RAB21: variants seen among roughly 807,000 people sequenced by gnomAD.
RAB21 encodes the protein RAB21, member RAS oncogene family.
A neutral mutation model predicts 33.1 loss-of-function variants in RAB21; 13 were observed. The ratio of observed to expected loss-of-function variants is 0.39; its 90% confidence interval spans 0.26 to 0.62. The LOEUF (loss-of-function observed/expected upper bound fraction) is 0.62. Among genes scored for constraint, RAB21 ranks in the 20% least tolerant of loss-of-function variants. The pLI is 0.48. For missense variants in RAB21, 234 were observed against 279.1 expected (o/e 0.84, Z 1.15); for synonymous variants, 91 against 103.7 (o/e 0.88, Z 0.74).
intron 6 of RAB21, among the ~76,000 whole-genome samples, chr12:71,784,417 GT>G (rs1197538532): frequency 6.6e-6 from 1 of 151,500 alleles, no homozygotes; most frequent in Non-Finnish European, 1.5e-5. Flanking sequence ...TTTCTCCTGT[GT>G]TTTCTTCTGG....
intron 1 of RAB21, among the ~76,000 whole-genome samples, chr12:71,755,620 C>T (rs1417050453): frequency 1.3e-5 from 2 of 152,174 alleles, no homozygotes; most frequent in Non-Finnish European, 2.9e-5. Flanking sequence ...GTTGCAGTCT[C>T]CAAATGTTAG....
intron 4 of RAB21, among the ~76,000 whole-genome samples, chr12:71,780,348 C>T (rs1565893333): frequency 1.3e-5 from 2 of 152,154 alleles, no homozygotes; most frequent in South Asian, 4.1e-4. Context: ...AGGAGACTAT[C>T]TTATTTTGCC....
chr12:71,766,473 A>G (rs921373189), intron 1 of RAB21, among the ~76,000 whole-genome samples: 8 of 152,110 alleles, frequency 5.3e-5, no homozygotes, highest in African/African-American at 1.4e-4. Context: ...ACAGGGTGTT[A>G]TTGGCACCTG....
At chr12:71,781,773 T>A (rs1211276819) in intron 4 of RAB21, among the ~76,000 whole-genome samples, 1 of 152,172 alleles carries the variant, frequency 6.6e-6, no homozygotes, top group Non-Finnish European at 1.5e-5. Flanking sequence ...AGTGCCTGTC[T>A]CTTTGGAAAA....
intron 1 of RAB21, among the ~76,000 whole-genome samples, chr12:71,758,781 T>C (rs1882827667): frequency 6.6e-6 from 1 of 152,164 alleles, no homozygotes; most frequent in African/African-American, 2.4e-5. Context: ...GCCTGGCCCT[T>C]TCACTATTTT....
rs1882761315 is a variant in RAB21 at position 71,755,124 on chromosome 12, G to T, written c.-6G>T. Reference sequence around the variant, plus strand: ...ACTCGGGCTCGGGCGGCCGGGAAGCGACGGGATGGCTGCGGCCGGCGGCGG... The same window carrying T: ...ACTCGGGCTCGGGCGGCCGGGAAGCTACGGGATGGCTGCGGCCGGCGGCGG... On this transcript the variant is annotated 5_prime_UTR_variant, in exon 1 of 7. Transcript: ENST00000261263. 3.3e-6 allele frequency: 4 copies of T among 1,202,112 alleles called. No homozygotes were observed. Among genetic ancestry groups the T allele is most frequent in the South Asian group, 3.9e-5 (1 of 25,664 alleles). 74.5% of individuals were successfully genotyped at this position (1,202,112 alleles called of 1,614,324 possible).
chr12:71,757,922 T>A (rs557723608), intron 1 of RAB21, among the ~76,000 whole-genome samples: 2 of 152,278 alleles, frequency 1.3e-5, no homozygotes, highest in East Asian at 3.9e-4. Context: ...TAATGTTTAG[T>A]CAAGTGATTG....
chr12:71,756,127 A>C (rs1882782157), intron 1 of RAB21, among the ~76,000 whole-genome samples: 1 of 152,198 alleles, frequency 6.6e-6, no homozygotes, highest in South Asian at 2.1e-4. Flanking sequence ...TATCCTACTA[A>C]TTTGACTTAC....
chr12:71,773,903 T>C (rs1307325093), intron 3 of RAB21, 56 bp from the exon 4 acceptor site: 6 of 1,249,580 alleles, frequency 4.8e-6, no homozygotes, highest in Non-Finnish European at 5.7e-6. Context: ...TTGGGTGTTG[T>C]GATAGTAGTA....
chr12:71,783,250 G>A (rs1691716918), intron 6 of RAB21, among the ~76,000 whole-genome samples: 1 of 151,670 alleles, frequency 6.6e-6, no homozygotes, highest in South Asian at 2.1e-4. Flanking sequence ...TCATTATGCT[G>A]TATTTTCTAC....
At chr12:71,768,526 T>C (rs1350126248) in intron 1 of RAB21, among the ~76,000 whole-genome samples, 1 of 152,188 alleles carries the variant, frequency 6.6e-6, no homozygotes, top group East Asian at 1.9e-4. Context: ...CTTCTTTCTT[T>C]CCTATCTTCA....
chr12:71,756,600 G>C, intron 1 of RAB21, among the ~76,000 whole-genome samples: 1 of 152,176 alleles, frequency 6.6e-6, no homozygotes, highest in East Asian at 1.9e-4. Flanking sequence ...CTGAAAAAGT[G>C]AGTGCCAGGA....
At position 71,798,320 on chromosome 12, in the gene RAB21, A is replaced by G. The variant is rs1883491763; in HGVS notation, c.*12647A>G. 6.6e-6 allele frequency: 1 copy of G among 152,144 alleles called. No homozygotes were observed. 9.4% of individuals were successfully genotyped at this position (152,144 alleles called of 1,614,324 possible). A position where few individuals can be genotyped will look rare whatever the true frequency, so the allele number is the denominator to read the frequency against. ...GTCTGGTCTTGAATTCCTGACCTCA[A>G]GTGATCTGCCCACCTCGACCTGCCA... On this transcript the variant is annotated 3_prime_UTR_variant, in exon 7 of 7. Transcript: ENST00000261263.
intron 4 of RAB21, 167 bp downstream of exon 4, chr12:71,774,189 G>A (rs539736798): frequency 1.2e-4 from 40 of 337,774 alleles, no homozygotes; most frequent in Middle Eastern, 1.8e-3. Flanking sequence ...GCTCATGCCT[G>A]TAATTCCAGC....
intron 3 of RAB21, among the ~76,000 whole-genome samples, chr12:71,773,070 CA>C (rs1412634085): frequency 6.6e-6 from 1 of 152,224 alleles, no homozygotes; most frequent in Non-Finnish European, 1.5e-5. Flanking sequence ...GATTTGATTA[CA>C]TCCAGATTAA....
At position 71,762,658 on chromosome 12, in the gene RAB21, C is replaced by T. The variant is rs186312009; in HGVS notation, c.160-7142C>T. Among the ~76,000 whole-genome samples the T allele has an allele frequency of 7.5e-4, 114 of 152,126 alleles. 1 individual carries two copies. The highest frequency in any genetic ancestry group is 2.7e-3 in the African/African-American group (112 of 41,494). On this transcript the variant is annotated intron_variant, in intron 1 of 6. Transcript: ENST00000261263. ...AGAGGAATGGCACGATCTCAGTTCACTGCAACCTCTGCCCCGTGGATTCAA... is the reference window on the plus strand; with the variant it reads ...AGAGGAATGGCACGATCTCAGTTCATTGCAACCTCTGCCCCGTGGATTCAA...
chr12:71,779,811 G>A (rs1883172302), intron 4 of RAB21, among the ~76,000 whole-genome samples: 1 of 152,000 alleles, frequency 6.6e-6, no homozygotes, highest in African/African-American at 2.4e-5. Flanking sequence ...TTGTTTTCAG[G>A]TGTTTTAAGC....
At chr12:71,779,897 G>C (rs898595988) in intron 4 of RAB21, among the ~76,000 whole-genome samples, 1 of 152,164 alleles carries the variant, frequency 6.6e-6, no homozygotes, top group African/African-American at 2.4e-5. Flanking sequence ...CTCCTTAGCT[G>C]TCTTGCTTTT....
rs1299386056 is a variant in RAB21, at chr12:71,754,963, C to T, written c.-167C>T. On this transcript the variant is annotated 5_prime_UTR_variant, in exon 1 of 7. Coordinates refer to ENST00000261263, the MANE Select transcript of RAB21 (RefSeq NM_014999.4). Reference sequence around the variant, plus strand: ...TGGGCTGGGGCCCTTCATTCTCGGACTTTCCCTCAGCCCTTCCAGGCCTCG... The same window carrying T: ...TGGGCTGGGGCCCTTCATTCTCGGATTTTCCCTCAGCCCTTCCAGGCCTCG... The T allele has an allele frequency of 1.7e-6, 1 of 579,512 alleles. No individual in the cohort carries two copies. Among genetic ancestry groups the T allele is most frequent in the Non-Finnish European group, 2.2e-6 (1 of 456,036 alleles). The allele number at this position is 579,512 out of a possible 1,614,324, so 35.9% of individuals were successfully genotyped here.
Sources: gnomAD v4.1 joint callset for allele counts (sites outside exome capture counted in the v4.1 genomes callset) on GRCh38, gnomAD v4.1.1 for gene constraint, MANE v1.5 for transcripts, NCBI Gene and HGNC (gene_info 2026-07-23, HGNC 2026-07-21) for gene names.